NCAPH: variants seen among roughly 807,000 people sequenced by gnomAD.
NCAPH encodes non-SMC condensin I complex subunit H, also known as condensin complex subunit 2.
A neutral mutation model predicts 85.5 loss-of-function variants in NCAPH; 38 were observed. The observed-to-expected ratio is 0.44, with a 90% CI of 0.34 to 0.58. NCAPH has a LOEUF of 0.58. NCAPH is among the 20% of genes least tolerant of loss of function. The pLI, the probability that NCAPH is intolerant of heterozygous loss-of-function variation, is 0.01. For synonymous variants in NCAPH, 301 were observed against 335.1 expected (o/e 0.90, Z 1.11); for missense variants, 789 against 916.6 (o/e 0.86, Z 1.80).
rs1336785828 is a variant in NCAPH at position 96,376,826 on chromosome 2, G to C, written c.*3475G>C. On this transcript the variant is annotated 3_prime_UTR_variant, in exon 18 of 18. Coordinates refer to ENST00000240423, the MANE Select transcript of NCAPH (RefSeq NM_015341.5). ...TTTGGGGGAATTGGGGATCATTTATGGGTACCAAAAGAAAAAAAAATGAAT... is the reference window on the plus strand; with the variant it reads ...TTTGGGGGAATTGGGGATCATTTATCGGTACCAAAAGAAAAAAAAATGAAT... Among the ~76,000 whole-genome samples, 1 of 151,942 alleles carries C rather than the reference G, an allele frequency of 6.6e-6. No individual in the cohort carries two copies. Among genetic ancestry groups the C allele is most frequent in the African/African-American group, 2.4e-5 (1 of 41,358 alleles).
intron 7 of NCAPH, 104 bp downstream of exon 7, chr2:96,352,124 A>C (rs1461394078): frequency 1.6e-6 from 2 of 1,220,618 alleles, no homozygotes; most frequent in Admixed American, 4.9e-5. Flanking sequence ...TGTTGCTTAA[A>C]TTACCCAGAA....
intron 6 of NCAPH, among the ~76,000 whole-genome samples, chr2:96,347,227 C>T (rs2104437344): frequency 6.6e-6 from 1 of 151,766 alleles, no homozygotes. Flanking sequence ...GCAGGGGAAG[C>T]CTATCCTCAG....
intron 15 of NCAPH, among the ~76,000 whole-genome samples, chr2:96,368,420 G>T (rs1180744102): frequency 6.6e-6 from 1 of 152,194 alleles, no homozygotes; most frequent in African/African-American, 2.4e-5. Flanking sequence ...ACTTTGGGAG[G>T]CCGAGGTGGG....
At position 96,359,038 on chromosome 2, in the gene NCAPH, G is replaced by T. The variant is rs2064567148; in HGVS notation, c.1209-7G>T. ...GTATTGTACATGTACAAATATGTGT[G>T]TTACAGGGAAGAAATGATTTCCCTT... On this transcript the variant is annotated splice_region_variant and splice_polypyrimidine_tract_variant and intron_variant, in intron 9 of 17. Coordinates refer to ENST00000240423, the MANE Select transcript of NCAPH (RefSeq NM_015341.5). The T allele has an allele frequency of 6.2e-7, 1 of 1,613,634 alleles. No homozygotes were observed.
At chr2:96,361,826 A>T (rs867096505) in intron 12 of NCAPH, among the ~76,000 whole-genome samples, 95 of 118,660 alleles carry the variant, frequency 8.0e-4, no homozygotes, top group East Asian at 2.5e-3. Context: ...ATATATATAT[A>T]TATTTTTTTT....
chr2:96,341,938 A>G (rs1281526571), intron 2 of NCAPH, 44 bp downstream of exon 2: 14 of 1,605,398 alleles, frequency 8.7e-6, no homozygotes, highest in Non-Finnish European at 1.2e-5. Context: ...AGCCGCCTTG[A>G]TATGGGCTGC....
Position 96,373,356 on chromosome 2 carries a change from A to T in NCAPH, c.*5A>T. ...CTTGTGAGGCAAGGAGATTGAGTTC[A>T]CTATGGAGAAGTCAGCAGCAGGAGG... On this transcript the variant is annotated 3_prime_UTR_variant, in exon 18 of 18. Coordinates refer to ENST00000240423, the MANE Select transcript of NCAPH (RefSeq NM_015341.5). 1 of 1,613,072 alleles carries T rather than the reference A, an allele frequency of 6.2e-7. No individual in the cohort carries two copies. Among genetic ancestry groups the T allele is most frequent in the South Asian group, 1.1e-5 (1 of 90,996 alleles).
chr2:96,343,386 T>G, intron 5 of NCAPH, 82 bp downstream of exon 5: 7 of 1,452,528 alleles, frequency 4.8e-6, no homozygotes, highest in Non-Finnish European at 6.4e-6. Context: ...TAGAAGAAGG[T>G]CACAAGAAAT....
At position 96,354,179 on chromosome 2, in the gene NCAPH, C is replaced by T. The variant is rs1481614247; in HGVS notation, c.1003-4C>T. 1.9e-6 allele frequency: 3 copies of T among 1,612,906 alleles called. No homozygotes were observed. Among genetic ancestry groups the T allele is most frequent in the Non-Finnish European group, 2.5e-6 (3 of 1,179,374 alleles). ...AATTACAGAACCCTCTTTTGTCCCT[C>T]CAGTCTGTGTCGGCCCTGGTAGACA... On this transcript the variant is annotated splice_polypyrimidine_tract_variant and splice_region_variant and intron_variant, in intron 8 of 17. Coordinates refer to ENST00000240423, the MANE Select transcript of NCAPH (RefSeq NM_015341.5).
intron 11 of NCAPH, 84 bp from the exon 12 acceptor site, chr2:96,360,504 C>T: frequency 6.6e-7 from 1 of 1,512,424 alleles, no homozygotes; most frequent in Non-Finnish European, 9.1e-7. Context: ...GCTGCCCAAA[C>T]CCTTCCCAGA....
chr2:96,369,152 A>G (rs552982227), intron 16 of NCAPH, 89 bp downstream of exon 16: 2 of 1,283,206 alleles, frequency 1.6e-6, no homozygotes, highest in East Asian at 2.5e-5. Context: ...CCTGTTTCCT[A>G]TGACATTTAT....
intron 17 of NCAPH, among the ~76,000 whole-genome samples, chr2:96,369,719 T>C (rs2064746926): frequency 6.6e-6 from 1 of 152,054 alleles, no homozygotes; most frequent in Non-Finnish European, 1.5e-5. Context: ...AGGACCCAAA[T>C]AGTAAGATTT....
chr2:96,362,579 G>A (rs559444278), intron 12 of NCAPH, among the ~76,000 whole-genome samples: 1 of 133,618 alleles, frequency 7.5e-6, no homozygotes, highest in East Asian at 2.2e-4. Flanking sequence ...GCAGTGAACT[G>A]AGATTACAGT....
chr2:96,357,425 G>C (rs1175416213), intron 9 of NCAPH, among the ~76,000 whole-genome samples: 1 of 152,184 alleles, frequency 6.6e-6, no homozygotes, highest in South Asian at 2.1e-4. Flanking sequence ...ACATAGCATT[G>C]TATGTTGAAA....
At chr2:96,338,874 G>A (rs751739640) in intron 1 of NCAPH, among the ~76,000 whole-genome samples, 7 of 152,120 alleles carry the variant, frequency 4.6e-5, no homozygotes, top group Non-Finnish European at 1.0e-4. Flanking sequence ...GCAGTGGCGC[G>A]ATCTCGACTC....
chr2:96,343,370 A>G (rs1353145403), intron 5 of NCAPH, 66 bp downstream of exon 5: 1 of 1,505,916 alleles, frequency 6.6e-7, no homozygotes, highest in East Asian at 2.3e-5. Context: ...TACTTGAGTA[A>G]TATACTAGAA....
intron 13 of NCAPH, 78 bp downstream of exon 13, chr2:96,364,669 A>G (rs2064670858): frequency 1.6e-5 from 17 of 1,032,736 alleles, no homozygotes; most frequent in Non-Finnish European, 2.4e-5. Context: ...TCCCCATTTT[A>G]TATGGTGGGA....
intron 6 of NCAPH, among the ~76,000 whole-genome samples, chr2:96,346,722 G>A (rs1473923293): frequency 6.6e-6 from 1 of 152,022 alleles, no homozygotes; most frequent in Non-Finnish European, 1.5e-5. Flanking sequence ...CCAGAGAGGG[G>A]CCCTAGAATT....
intron 8 of NCAPH, 84 bp from the exon 9 acceptor site, chr2:96,354,099 T>A: frequency 7.3e-7 from 1 of 1,362,674 alleles, no homozygotes; most frequent in South Asian, 1.3e-5. Context: ...AACTGAAATT[T>A]AAGGGTGAGA....
Sources: allele counts gnomAD v4.1 joint callset (sites outside exome capture counted in the v4.1 genomes callset), GRCh38; gene constraint gnomAD v4.1.1; transcripts MANE v1.5; gene names NCBI Gene and HGNC (gene_info 2026-07-23, HGNC 2026-07-21).